TNKS: variants seen among roughly 807,000 people sequenced by gnomAD.
The protein encoded by TNKS is poly [ADP-ribose] polymerase tankyrase-1.
In TNKS, 72 loss-of-function variants were observed where a neutral mutation model predicts 135.8. The observed-to-expected ratio is 0.53, with a 90% CI of 0.44 to 0.64. The LOEUF is 0.64. Among genes scored for constraint, TNKS ranks in the 30% least tolerant of loss-of-function variants. TNKS has a pLI of 0.00. For synonymous variants in TNKS, 849 were observed against 649.3 expected, an observed-to-expected ratio of 1.31 and a Z score of -4.68; for missense variants, 1,769 against 1,674.0, an observed-to-expected ratio of 1.06 and a Z score of -0.99.
intron 3 of TNKS, among the ~76,000 whole-genome samples, chr8:9,657,908 C>G (rs1801488808): frequency 8.7e-6 from 1 of 115,252 alleles, no homozygotes; most frequent in Non-Finnish European, 1.9e-5. Flanking sequence ...GGCAGAGGGT[C>G]TCCTCACTTC....
intron 2 of TNKS, among the ~76,000 whole-genome samples, chr8:9,603,923 C>T (rs7464476): frequency 6.6e-6 from 1 of 151,696 alleles, no homozygotes; most frequent in Non-Finnish European, 1.5e-5. Context: ...CAAAGAACTT[C>T]AATGAGTAGT....
intron 3 of TNKS, among the ~76,000 whole-genome samples, chr8:9,616,813 A>T (rs1297998419): frequency 6.6e-6 from 1 of 152,176 alleles, no homozygotes; most frequent in East Asian, 1.9e-4. Context: ...ATTAGTGTAG[A>T]TAAGAAATTT....
At chr8:9,648,595 G>A (rs1206076033) in intron 3 of TNKS, among the ~76,000 whole-genome samples, 2 of 152,058 alleles carry the variant, frequency 1.3e-5, no homozygotes, top group African/African-American at 2.4e-5. Flanking sequence ...TGTATTGTAT[G>A]TGCAATACTT....
chr8:9,604,764 G>GTA lies in TNKS; in HGVS notation c.899-10808_899-10807dup, dbSNP rs200463645. ...AATACATACATATGTATGTGTGTAT[G>GTA]TATATATATATTTTATTTTTATTTT... On this transcript the variant is annotated intron_variant, in intron 2 of 26. Coordinates refer to ENST00000310430, the MANE Select transcript of TNKS (RefSeq NM_003747.3). Among the ~76,000 whole-genome samples the GTA allele has an allele frequency of 1.5e-3, 225 of 151,474 alleles. 1 individual carries two copies. Among genetic ancestry groups the GTA allele is most frequent in the African/African-American group, 5.2e-3 (217 of 41,412 alleles).
At chr8:9,699,937 C>CT (rs1803717038) in intron 5 of TNKS, among the ~76,000 whole-genome samples, 1 of 152,232 alleles carries the variant, frequency 6.6e-6, no homozygotes, top group Non-Finnish European at 1.5e-5. Context: ...TCTTAAGTTT[C>CT]TCAAATATAC....
chr8:9,566,776 T>G (rs1425564818), intron 1 of TNKS, among the ~76,000 whole-genome samples: 1 of 149,274 alleles, frequency 6.7e-6, no homozygotes, highest in Non-Finnish European at 1.5e-5. Context: ...GCCCGGCTAA[T>G]TTTTTGTATT....
At chr8:9,564,004 T>C (rs555007178) in intron 1 of TNKS, among the ~76,000 whole-genome samples, 1 of 152,214 alleles carries the variant, frequency 6.6e-6, no homozygotes, top group African/African-American at 2.4e-5. Context: ...CTAGAATAGA[T>C]CAAGTCTCTC....
chr8:9,564,496 C>A (rs6990418), intron 1 of TNKS, among the ~76,000 whole-genome samples: 1 of 152,034 alleles, frequency 6.6e-6, no homozygotes, highest in African/African-American at 2.4e-5. Flanking sequence ...AACATGAGCT[C>A]TGTGATGACA....
At chr8:9,570,371 G>C (rs1284897061) in intron 1 of TNKS, among the ~76,000 whole-genome samples, 1 of 151,764 alleles carries the variant, frequency 6.6e-6, no homozygotes, top group African/African-American at 2.4e-5. Flanking sequence ...AAAGATCCCT[G>C]AGCCAATGAA....
intron 5 of TNKS, among the ~76,000 whole-genome samples, chr8:9,701,563 G>A (rs1382389666): frequency 1.3e-5 from 2 of 152,194 alleles, no homozygotes; most frequent in Non-Finnish European, 2.9e-5. Context: ...TAGAATAAGA[G>A]GGACTAGATT....
At chr8:9,738,965 C>A (rs1805785312) in intron 17 of TNKS, among the ~76,000 whole-genome samples, 1 of 151,812 alleles carries the variant, frequency 6.6e-6, no homozygotes, top group Non-Finnish European at 1.5e-5. Context: ...TGTTGACTTT[C>A]TGTCTCGTTG....
chr8:9,746,682 G>A (rs1585409543), intron 17 of TNKS, among the ~76,000 whole-genome samples: 1 of 152,020 alleles, frequency 6.6e-6, no homozygotes, highest in East Asian at 1.9e-4. Context: ...CCCAGCCCCA[G>A]TCCTCAGCCC....
At chr8:9,697,567 C>G (rs56951452) in intron 5 of TNKS, among the ~76,000 whole-genome samples, 1 of 152,170 alleles carries the variant, frequency 6.6e-6, no homozygotes, top group African/African-American at 2.4e-5. Context: ...GTCTAATATC[C>G]AGGATCTATA....
rs192682839 is a variant in TNKS at position 9,608,374 on chromosome 8, A to G, written c.899-7208A>G. Among the ~76,000 whole-genome samples, 6 of 152,288 alleles carry G rather than the reference A, an allele frequency of 3.9e-5. No individual in the cohort carries two copies. In the East Asian group the frequency reaches 1.2e-3, roughly 29 times the overall value. On this transcript the variant is annotated intron_variant, in intron 2 of 26. Coordinates refer to ENST00000310430, the MANE Select transcript of TNKS (RefSeq NM_003747.3). The stretch of plus-strand genomic sequence containing the variant: ...AGATCCTGGCTCTCTGTTCTAGGTC[A>G]TGCTGCTTATTCATAACTAACGTTG...
intron 5 of TNKS, among the ~76,000 whole-genome samples, chr8:9,689,515 G>A (rs895285466): frequency 7.9e-5 from 12 of 151,998 alleles, no homozygotes; most frequent in African/African-American, 2.7e-4. Context: ...GCTTTAATTT[G>A]TTAATAGTAA....
At position 9,673,732 on chromosome 8, in the gene TNKS, C is replaced by T. The variant is rs112817855; in HGVS notation, c.995-6219C>T. Among the ~76,000 whole-genome samples, 1,315 of 152,156 alleles carry T rather than the reference C, an allele frequency of 8.6e-3. 18 individuals are homozygous for T. Among genetic ancestry groups the T allele is most frequent in the African/African-American group, 0.029 (1,222 of 41,522 alleles). Reference sequence around the variant, plus strand: ...CGCTGGGATTACAGGTGTGAGCCACCGCACCCGGCCTGGAATTTTTTTTCA... The same window carrying T: ...CGCTGGGATTACAGGTGTGAGCCACTGCACCCGGCCTGGAATTTTTTTTCA... On this transcript the variant is annotated intron_variant, in intron 3 of 26. Coordinates refer to ENST00000310430, the MANE Select transcript of TNKS (RefSeq NM_003747.3).
At chr8:9,768,696 C>T (rs140838649) in intron 25 of TNKS, among the ~76,000 whole-genome samples, 15 of 152,294 alleles carry the variant, frequency 9.8e-5, no homozygotes, top group Non-Finnish European at 1.6e-4. Context: ...CTTTGTGTGA[C>T]GTAAGAGACT....
intron 1 of TNKS, among the ~76,000 whole-genome samples, chr8:9,567,540 C>T (rs575595054): frequency 1.3e-5 from 2 of 152,260 alleles, no homozygotes; most frequent in East Asian, 1.9e-4. Context: ...CTCAGCCTCC[C>T]GAGTAGCTGG....
chr8:9,652,660 C>A (rs548270191), intron 3 of TNKS, among the ~76,000 whole-genome samples: 9 of 152,192 alleles, frequency 5.9e-5, no homozygotes, highest in Middle Eastern at 3.4e-3. Flanking sequence ...GAGGTCCTGT[C>A]TTCCTGGTGA....
Sources: gnomAD v4.1 joint callset for allele counts (sites outside exome capture counted in the v4.1 genomes callset) on GRCh38, gnomAD v4.1.1 for gene constraint, MANE v1.5 for transcripts, NCBI Gene and HGNC (gene_info 2026-07-23, HGNC 2026-07-21) for gene names.